Variants in CR1L observed in about 807,000 individuals in gnomAD.
CR1L encodes complement C3b/C4b receptor 1 like.
In CR1L, 59 loss-of-function variants were observed where a neutral mutation model predicts 62.3. That is an observed-to-expected ratio of 0.95 (90% confidence interval 0.77 to 1.18). The LOEUF (loss-of-function observed/expected upper bound fraction) is 1.18, where lower values mean the gene tolerates loss of function less well. CR1L is among the 50% of genes most tolerant of loss of function. The pLI, the probability that CR1L is intolerant of heterozygous loss-of-function variation, is 0.00. For synonymous variants in CR1L, 279 were observed against 248.7 expected (o/e 1.12, Z -1.15); for missense variants, 700 against 702.8 (o/e 1.00, Z 0.04).
chr1:207,701,012 A>G (rs1664182879), intron 8 of CR1L, among the ~76,000 whole-genome samples: 1 of 152,214 alleles, frequency 6.6e-6, no homozygotes, highest in Non-Finnish European at 1.5e-5. Flanking sequence ...AAGCGTTCAG[A>G]TAGGTGGATG....
At chr1:207,694,287 C>G (rs1664036721) in intron 4 of CR1L, 66 bp from the exon 5 acceptor site, 1 of 1,570,250 alleles carries the variant, frequency 6.4e-7, no homozygotes, top group Non-Finnish European at 8.7e-7. Context: ...AAAATAGTTA[C>G]AGTTTAGTGA....
intron 1 of CR1L, among the ~76,000 whole-genome samples, chr1:207,671,347 G>C (rs527832839): frequency 1.3e-5 from 2 of 151,096 alleles, no homozygotes; most frequent in South Asian, 4.1e-4. Context: ...AGGGAAAAGA[G>C]TATGACTTTA....
intron 1 of CR1L, among the ~76,000 whole-genome samples, chr1:207,675,627 G>A (rs920730739): frequency 2.6e-5 from 4 of 152,210 alleles, no homozygotes; most frequent in Admixed American, 6.5e-5. Flanking sequence ...GTTCTTTTAA[G>A]TCTAATAAAA....
At chr1:207,708,501 A>G (rs1361874426) in intron 10 of CR1L, among the ~76,000 whole-genome samples, 3 of 152,258 alleles carry the variant, frequency 2.0e-5, no homozygotes, top group Non-Finnish European at 4.4e-5. Flanking sequence ...TAATTTAAAT[A>G]GCCCCCAATT....
intron 4 of CR1L, among the ~76,000 whole-genome samples, chr1:207,685,718 T>C (rs1442058437): frequency 2.6e-5 from 4 of 152,146 alleles, no homozygotes; most frequent in Non-Finnish European, 5.9e-5. Context: ...CAGAGGATGC[T>C]GAAACTCCCC....
At chr1:207,720,236 A>C (rs1382496093) in intron 11 of CR1L, among the ~76,000 whole-genome samples, 2 of 152,180 alleles carry the variant, frequency 1.3e-5, no homozygotes, top group African/African-American at 4.8e-5. Context: ...TCTTGTTCCT[A>C]GTCTCTTTAC....
rs1357002666 is a variant in CR1L at position 207,692,738 on chromosome 1, C to T, written c.464-1615C>T. Among the ~76,000 whole-genome samples the T allele has an allele frequency of 1.3e-5, 2 of 151,120 alleles. 1 individual carries two copies. The highest frequency in any genetic ancestry group is 3.0e-5 in the Non-Finnish European group (2 of 67,578). ...CCCTTCTCTCTCTCTCTCTACGTTC[C>T]TCGCACTGACCAACCTCTTTGTGAT... On this transcript the variant is annotated intron_variant, in intron 4 of 11. Coordinates refer to ENST00000508064, the MANE Select transcript of CR1L (RefSeq NM_175710.2).
rs1663286060 is a variant in CR1L, at chr1:207,655,217, A to G, written c.97+9887A>G. 1.2e-5 allele frequency: 8 copies of G among 680,692 alleles called. No individual in the cohort carries two copies. In the East Asian group the frequency reaches 1.3e-4, roughly 11 times the overall value. The allele number at this position is 680,692 out of a possible 1,614,324, so 42.2% of individuals were successfully genotyped here. A position where few individuals can be genotyped will look rare whatever the true frequency, so the allele number is the denominator to read the frequency against. ...ATTACTTAATTGGTAAAGAAATTCT[A>G]TATTGTGAACTTAAAGGATCAGTAG... On this transcript the variant is annotated intron_variant, in intron 1 of 11. Coordinates refer to ENST00000508064, the MANE Select transcript of CR1L (RefSeq NM_175710.2).
In CR1L at chr1:207,708,292, C is replaced by T. The variant is rs761606644; in HGVS notation, c.1414+29C>T. ...AGTTGAAATCTCTTTCCCCATTCAC[C>T]CCACCATTTAACCCTAGAGTTGTCC... On this transcript the variant is annotated intron_variant, in intron 10 of 11. Coordinates refer to ENST00000508064, the MANE Select transcript of CR1L (RefSeq NM_175710.2). 113 of 1,607,336 alleles carry T rather than the reference C, an allele frequency of 7.0e-5. 1 individual carries two copies. In the South Asian group the frequency reaches 1.2e-3, roughly 17 times the overall value.
intron 8 of CR1L, among the ~76,000 whole-genome samples, chr1:207,701,279 G>C (rs1664186771): frequency 6.6e-6 from 1 of 152,136 alleles, no homozygotes; most frequent in South Asian, 2.1e-4. Flanking sequence ...AGGGATGCAA[G>C]GTCTCTACAC....
chr1:207,693,187 G>C (rs559557815), intron 4 of CR1L, among the ~76,000 whole-genome samples: 1 of 152,102 alleles, frequency 6.6e-6, no homozygotes, highest in Non-Finnish European at 1.5e-5. Flanking sequence ...GCGCGATCTC[G>C]GCTGACTGCA....
In CR1L at chr1:207,697,654, G is replaced by C; in HGVS notation, c.1014G>C (p.Trp338Cys). 6.2e-7 allele frequency: 1 copy of C among 1,614,000 alleles called. No homozygotes were observed. Among genetic ancestry groups the C allele is most frequent in the Non-Finnish European group, 8.5e-7 (1 of 1,179,882 alleles). The change falls in exon 6 of 12, where the codon TGG becomes TGC. Residue 338 changes from tryptophan to cysteine, a missense_variant. Physicochemically the swap from Trp to Cys is radical, Grantham distance 215. Transcript: ENST00000508064. ...TGCACTGCACACCCCAGGGAGACTG[G>C]AGCCCTGCAGCCCCCAGATGTGAAG... ...TYLHCTPQGD[W>C]SPAAPRCEVK...
chr1:207,710,615 C>T, intron 10 of CR1L: 2 of 1,610,082 alleles, frequency 1.2e-6, no homozygotes, highest in Non-Finnish European at 1.7e-6. Context: ...ATGCACACCT[C>T]CAAATGTGGA....
chr1:207,702,538 CAT>C (rs1376415099), intron 9 of CR1L, among the ~76,000 whole-genome samples: 1 of 152,170 alleles, frequency 6.6e-6, no homozygotes, highest in Non-Finnish European at 1.5e-5. Flanking sequence ...AGTCAGGCCT[CAT>C]GTGCCAAACA....
chr1:207,678,241 A>G lies in CR1L; in HGVS notation c.321A>G (p.Ala107=), dbSNP rs1663732433. The change falls in exon 3 of 12, where the codon GCA becomes GCG. Residue 107 remains alanine (A), a synonymous_variant. Coordinates refer to ENST00000508064, the MANE Select transcript of CR1L (RefSeq NM_175710.2). ...CTCCAGATCCTGTGAATGGCATGGC[A>G]CATGTGATCAAAGACATCCAGTTCA... ...RNPPDPVNGM[A]HVIKDIQFRS... The G allele has an allele frequency of 1.9e-6, 3 of 1,613,760 alleles. No individual in the cohort carries two copies. Among genetic ancestry groups the G allele is most frequent in the East Asian group, 2.2e-5 (1 of 44,886 alleles).
At position 207,717,553 on chromosome 1, in the gene CR1L, T is replaced by A; in HGVS notation, c.1504T>A (p.Tyr502Asn). 1 of 1,613,806 alleles carries A rather than the reference T, an allele frequency of 6.2e-7. No homozygotes were observed. ...GDIPYGKEVS[Y>N]TCDPHPDRGM... ...TATTCCCTATGGAAAAGAAGTATCT[T>A]ACACATGTGACCCCCACCCAGACAG... The change falls in exon 11 of 12, where the codon TAC (tyrosine) becomes AAC (asparagine). Residue 502 changes from tyrosine to asparagine, a missense_variant. Coordinates refer to ENST00000508064, the MANE Select transcript of CR1L (RefSeq NM_175710.2).
At chr1:207,702,041 C>T (rs1327707168) in intron 9 of CR1L, among the ~76,000 whole-genome samples, 1 of 152,128 alleles carries the variant, frequency 6.6e-6, no homozygotes, top group African/African-American at 2.4e-5. Context: ...TTGTACTTCA[C>T]AGATGTTATG....
chr1:207,715,089 G>C (rs1653959753), intron 10 of CR1L, among the ~76,000 whole-genome samples: 1 of 152,186 alleles, frequency 6.6e-6, no homozygotes, highest in African/African-American at 2.4e-5. Flanking sequence ...GCCAGTCACA[G>C]GGTACCATGG....
rs144282616 is a variant in CR1L at position 207,646,394 on chromosome 1, T to C, written c.97+1064T>C. Among the ~76,000 whole-genome samples, 104 of 152,256 alleles carry C rather than the reference T, an allele frequency of 6.8e-4. 1 individual carries two copies. The East Asian group carries it at 0.018, about 27-fold the overall frequency. On this transcript the variant is annotated intron_variant, in intron 1 of 11. Transcript: ENST00000508064. ...GCCTATCCCACTGTTTTGTATTTCATTGAATGGAATCAATATTTTTAAAAA... is the reference window on the plus strand; with the variant it reads ...GCCTATCCCACTGTTTTGTATTTCACTGAATGGAATCAATATTTTTAAAAA...
Sources: gnomAD v4.1 joint callset for allele counts (sites outside exome capture counted in the v4.1 genomes callset) on GRCh38, gnomAD v4.1.1 for gene constraint, MANE v1.5 for transcripts, NCBI Gene and HGNC (gene_info 2026-07-23, HGNC 2026-07-21) for gene names.